Variants in CAMTA1 observed in about 807,000 individuals in gnomAD.
CAMTA1 encodes the protein calmodulin-binding transcription activator 1.
Under a neutral mutation model 170.9 loss-of-function variants are expected in CAMTA1, and 27 were observed. The ratio of observed to expected loss-of-function variants is 0.16; its 90% CI spans 0.12 to 0.22. CAMTA1 has a LOEUF of 0.22. Among genes scored for constraint, CAMTA1 ranks in the 10% least tolerant of loss-of-function variants. The pLI is 1.00. For synonymous variants in CAMTA1, 833 were observed against 891.5 expected, an observed-to-expected ratio of 0.93 and a Z score of 1.17; for missense variants, 1,619 against 2,217.2, an observed-to-expected ratio of 0.73 and a Z score of 5.42.
At chr1:7,109,684 T>TCC (rs1418562585) in intron 4 of CAMTA1, among the ~76,000 whole-genome samples, 1 of 152,206 alleles carries the variant, frequency 6.6e-6, no homozygotes, top group Non-Finnish European at 1.5e-5. Context: ...TGCTTATGGC[T>TCC]CCACAGACCA....
At chr1:7,317,833 TA>T (rs1344730943) in intron 5 of CAMTA1, among the ~76,000 whole-genome samples, 1 of 152,082 alleles carries the variant, frequency 6.6e-6, no homozygotes, top group Non-Finnish European at 1.5e-5. Context: ...TTGCATTGGT[TA>T]AAAAAAATAA....
intron 3 of CAMTA1, among the ~76,000 whole-genome samples, chr1:6,885,301 A>G (rs189140636): frequency 9.8e-5 from 15 of 152,324 alleles, no homozygotes; most frequent in Admixed American, 2.6e-4. Context: ...CATTGTTAGT[A>G]TAATTAATTT....
intron 6 of CAMTA1, among the ~76,000 whole-genome samples, chr1:7,512,802 A>G (rs2094220374): frequency 6.6e-6 from 1 of 152,174 alleles, no homozygotes; most frequent in African/African-American, 2.4e-5. Flanking sequence ...GTCTCCTGTG[A>G]GCCATGCCTT....
intron 3 of CAMTA1, among the ~76,000 whole-genome samples, chr1:6,876,936 T>C (rs1670062759): frequency 6.6e-6 from 1 of 152,202 alleles, no homozygotes; most frequent in Non-Finnish European, 1.5e-5. Flanking sequence ...ATCTGCTGCA[T>C]AGTTTTTAGA....
At position 7,172,539 on chromosome 1, in the gene CAMTA1, G is replaced by C. The variant is rs575916724; in HGVS notation, c.303-76952G>C. Among the ~76,000 whole-genome samples the C allele has an allele frequency of 2.0e-4, 31 of 152,326 alleles. 1 individual carries two copies. The highest frequency in any genetic ancestry group is 2.0e-3 in the Admixed American group (31 of 15,308). On this transcript the variant is annotated intron_variant, in intron 4 of 22. Coordinates refer to ENST00000303635, the MANE Select transcript of CAMTA1 (RefSeq NM_015215.4). ...GCATGACAGGCCTTGGAATGATCATGGTGGTCACCAAAGGGGGCAGGGCAT... is the reference window on the plus strand; with the variant it reads ...GCATGACAGGCCTTGGAATGATCATCGTGGTCACCAAAGGGGGCAGGGCAT...
intron 6 of CAMTA1, among the ~76,000 whole-genome samples, chr1:7,573,137 C>T (rs1344951685): frequency 6.6e-6 from 1 of 152,190 alleles, no homozygotes; most frequent in East Asian, 1.9e-4. Context: ...CATGCAGGAA[C>T]AGGGTTAGCA....
At chr1:7,749,505 C>G (rs2096880563) in intron 19 of CAMTA1, among the ~76,000 whole-genome samples, 1 of 151,598 alleles carries the variant, frequency 6.6e-6, no homozygotes, top group African/African-American at 2.4e-5. Flanking sequence ...GTGATTACAA[C>G]AGGTATTGAT....
intron 16 of CAMTA1, among the ~76,000 whole-genome samples, chr1:7,740,745 A>C (rs1426351857): frequency 6.6e-6 from 1 of 152,240 alleles, no homozygotes; most frequent in Non-Finnish European, 1.5e-5. Context: ...TTTAAGTTTA[A>C]ATAGCCATTG....
chr1:6,922,128 C>G (rs1457261507), intron 3 of CAMTA1, among the ~76,000 whole-genome samples: 1 of 152,194 alleles, frequency 6.6e-6, no homozygotes, highest in East Asian at 1.9e-4. Flanking sequence ...AGGATTTGCT[C>G]CACTATACCT....
intron 4 of CAMTA1, among the ~76,000 whole-genome samples, chr1:7,225,622 C>A (rs914009116): frequency 6.6e-6 from 1 of 152,164 alleles, no homozygotes; most frequent in Admixed American, 6.5e-5. Flanking sequence ...AATGTGCCAG[C>A]GGGGTTGACA....
intron 3 of CAMTA1, among the ~76,000 whole-genome samples, chr1:6,947,482 T>C (rs975866395): frequency 1.3e-5 from 2 of 152,054 alleles, no homozygotes; most frequent in African/African-American, 4.8e-5. Context: ...TTCAAGTGAT[T>C]ATCTCATCTC....
intron 4 of CAMTA1, among the ~76,000 whole-genome samples, chr1:7,111,753 CACA>C (rs1644053698): frequency 6.6e-6 from 1 of 151,978 alleles, no homozygotes; most frequent in Admixed American, 6.6e-5. Flanking sequence ...GGCGTGGTGG[CACA>C]TGCCTGTAGT....
intron 3 of CAMTA1, among the ~76,000 whole-genome samples, chr1:7,061,913 A>G (rs1708273497): frequency 6.6e-6 from 1 of 152,036 alleles, no homozygotes; most frequent in Non-Finnish European, 1.5e-5. Context: ...ATGAGGTCCT[A>G]TTATATTAAA....
At chr1:7,311,721 G>A (rs1199335420) in intron 5 of CAMTA1, among the ~76,000 whole-genome samples, 1 of 152,036 alleles carries the variant, frequency 6.6e-6, no homozygotes, top group Non-Finnish European at 1.5e-5. Flanking sequence ...TGACATTTTT[G>A]TTCTCATAGG....
At chr1:7,666,973 C>G (rs2096007053) in intron 9 of CAMTA1, among the ~76,000 whole-genome samples, 1 of 152,154 alleles carries the variant, frequency 6.6e-6, no homozygotes, top group Non-Finnish European at 1.5e-5. Context: ...ACTGAAACCT[C>G]CGCCTCCCAG....
intron 6 of CAMTA1, among the ~76,000 whole-genome samples, chr1:7,487,178 AG>A (rs2093629939): frequency 6.6e-6 from 1 of 152,142 alleles, no homozygotes; most frequent in Non-Finnish European, 1.5e-5. Context: ...TCCCTCCTGT[AG>A]CAAGTGCATG....
chr1:7,478,512 A>T (rs1033572326), intron 6 of CAMTA1, among the ~76,000 whole-genome samples: 9 of 152,156 alleles, frequency 5.9e-5, no homozygotes, highest in Admixed American at 1.3e-4. Flanking sequence ...TGACTGGGAG[A>T]GAGGAAGGAT....
rs1015580961 is a variant in CAMTA1, at chr1:7,328,362, T to A, written c.438+78736T>A. On this transcript the variant is annotated intron_variant, in intron 5 of 22. Coordinates refer to ENST00000303635, the MANE Select transcript of CAMTA1 (RefSeq NM_015215.4). ...AAAAATTCTTTTGCTCCTGTAGTGG[T>A]TATGCTCCTGTAGTCCCAGCTACTT... Among the ~76,000 whole-genome samples the A allele has an allele frequency of 3.3e-3, 34 of 10,406 alleles. No homozygotes were observed. In the South Asian group the frequency reaches 0.074, roughly 23 times the overall value. 6.8% of individuals were successfully genotyped at this position (10,406 alleles called of 152,430 possible).
chr1:7,603,263 T>G (rs2095461234), intron 6 of CAMTA1, among the ~76,000 whole-genome samples: 1 of 152,104 alleles, frequency 6.6e-6, no homozygotes, highest in Non-Finnish European at 1.5e-5. Context: ...TCATTGATCT[T>G]TCTAATGTTG....
Sources: allele counts gnomAD v4.1 joint callset (sites outside exome capture counted in the v4.1 genomes callset), GRCh38; gene constraint gnomAD v4.1.1; transcripts MANE v1.5; gene names NCBI Gene and HGNC (gene_info 2026-07-23, HGNC 2026-07-21).